Variants in COL8A1 observed in about 807,000 individuals in gnomAD.
COL8A1 encodes collagen alpha-1(VIII) chain.
In COL8A1, 21 loss-of-function variants were observed where a neutral mutation model predicts 42.7. The observed-to-expected ratio is 0.49, with a 90% CI of 0.35 to 0.71. The LOEUF is 0.71. COL8A1 is among the 30% of genes least tolerant of loss of function. COL8A1 has a pLI of 0.01. For synonymous variants in COL8A1, 367 were observed against 369.1 expected (o/e 0.99, Z 0.06); for missense variants, 788 against 962.4 (o/e 0.82, Z 2.40).
At chr3:99,659,679 T>C (rs931507390) in intron 1 of COL8A1, among the ~76,000 whole-genome samples, 1 of 152,224 alleles carries the variant, frequency 6.6e-6, no homozygotes, top group African/African-American at 2.4e-5. Flanking sequence ...GATCTTGTGT[T>C]CCAAGCAGTC....
intron 1 of COL8A1, among the ~76,000 whole-genome samples, chr3:99,669,115 TA>T (rs1192126850): frequency 2.5e-5 from 3 of 121,886 alleles, no homozygotes; most frequent in Admixed American, 1.8e-4. Flanking sequence ...GACCTTGTCT[TA>T]AAAAAATTAT....
At position 99,794,494 on chromosome 3, in the gene COL8A1, C is replaced by A. The variant is rs1942064238; in HGVS notation, c.593C>A (p.Pro198His). ...GPMGIPGPQGPPGPHGLPGIG... is the reference protein window; with the variant it reads ...GPMGIPGPQGHPGPHGLPGIG... ...ATGGGGATCCCAGGACCACAAGGAC[C>A]TCCAGGGCCTCATGGACTTCCTGGC... The change falls in exon 4 of 4, where the codon CCT becomes CAT. Residue 198 changes from proline to histidine, a missense_variant. This residue lies in a region of COL8A1 where 421 missense variants were observed against 553.1 expected (regional missense o/e 0.76). Coordinates refer to ENST00000652472, the MANE Select transcript of COL8A1 (RefSeq NM_020351.4). The surrounding 1 kb of genome is among the most constrained non-coding windows in gnomAD (Gnocchi z 4.3). The A allele has an allele frequency of 1.2e-6, 2 of 1,613,866 alleles. No individual in the cohort carries two copies. Among genetic ancestry groups the A allele is most frequent in the Non-Finnish European group, 8.5e-7 (1 of 1,179,960 alleles).
intron 1 of COL8A1, among the ~76,000 whole-genome samples, chr3:99,729,577 AT>A (rs1042253335): frequency 6.6e-5 from 10 of 152,058 alleles, no homozygotes; most frequent in African/African-American, 2.4e-4. Context: ...TCCTTAGGGA[AT>A]TTTTTCCTCT....
chr3:99,710,328 C>CA (rs1939799734), intron 1 of COL8A1, among the ~76,000 whole-genome samples: 1 of 152,062 alleles, frequency 6.6e-6, no homozygotes, highest in African/African-American at 2.4e-5. Flanking sequence ...TGTGACACAG[C>CA]AAAAATCACA....
At chr3:99,756,205 A>G (rs1363969863) in intron 2 of COL8A1, among the ~76,000 whole-genome samples, 2 of 151,864 alleles carry the variant, frequency 1.3e-5, no homozygotes, top group Non-Finnish European at 2.9e-5. Context: ...TTGGGGTAGA[A>G]TCATTTTCTG....
chr3:99,684,964 C>T (rs911925972), intron 1 of COL8A1, among the ~76,000 whole-genome samples: 1 of 152,132 alleles, frequency 6.6e-6, no homozygotes, highest in South Asian at 2.1e-4. Flanking sequence ...CCACTTCCTC[C>T]AGTGATACTT....
intron 1 of COL8A1, among the ~76,000 whole-genome samples, chr3:99,727,882 G>GA (rs1454416801): frequency 1.3e-5 from 2 of 151,676 alleles, no homozygotes; most frequent in Non-Finnish European, 2.9e-5. Context: ...CAGAACCAAA[G>GA]AAAAAAACCA....
intron 1 of COL8A1, among the ~76,000 whole-genome samples, chr3:99,695,666 A>C (rs1939345061): frequency 6.6e-6 from 1 of 151,094 alleles, no homozygotes; most frequent in Admixed American, 6.6e-5. Flanking sequence ...TCTTTCTATC[A>C]TAGCATTGCC....
intron 2 of COL8A1, among the ~76,000 whole-genome samples, chr3:99,769,208 G>A (rs1941529842): frequency 6.6e-6 from 1 of 152,214 alleles, no homozygotes; most frequent in Non-Finnish European, 1.5e-5. Flanking sequence ...TAAATAAGAT[G>A]ATGTATGTCT....
rs529043424 is a variant in COL8A1, at chr3:99,659,895, A to G, written c.-129+21231A>G. On this transcript the variant is annotated intron_variant, in intron 1 of 3. Transcript: ENST00000652472. ...CAGCGTACTGCACCTTAAATTCCCT[A>G]TGAACCAGAATATATGTGATGTGGG... is the stretch of plus-strand genomic sequence containing the variant. Among the ~76,000 whole-genome samples, 466 of 152,314 alleles carry G rather than the reference A, an allele frequency of 3.1e-3. 5 individuals are homozygous for G. Among genetic ancestry groups the G allele is most frequent in the Middle Eastern group, 6.8e-3 (2 of 294 alleles).
Position 99,794,642 on chromosome 3 carries a change from G to A in COL8A1, c.741G>A (p.Met247Ile), listed in dbSNP as rs1942067052. ...RGPKGDKGFG[M>I]PGAPGVKGPP... Reference sequence around the variant, plus strand: ...CTAAAGGAGACAAGGGCTTCGGGATGCCAGGTGCGCCAGGTGTAAAGGGGC... The same window carrying A: ...CTAAAGGAGACAAGGGCTTCGGGATACCAGGTGCGCCAGGTGTAAAGGGGC... Residue 247 changes from methionine to isoleucine, a missense_variant, in exon 4 of 4, where the codon ATG becomes ATA. This residue lies in a region of COL8A1 where 421 missense variants were observed against 553.1 expected (regional missense o/e 0.76). Transcript: ENST00000652472. This position sits in a 1 kb window ranked among gnomAD's most constrained non-coding sequence, Gnocchi z 4.3. The A allele has an allele frequency of 6.2e-7, 1 of 1,613,542 alleles. No individual in the cohort carries two copies. The highest frequency in any genetic ancestry group is 8.5e-7 in the Non-Finnish European group (1 of 1,179,844).
intron 1 of COL8A1, among the ~76,000 whole-genome samples, chr3:99,670,835 C>T (rs1239956623): frequency 6.6e-6 from 1 of 151,714 alleles, no homozygotes; most frequent in Non-Finnish European, 1.5e-5. Flanking sequence ...TTTTAGAGTC[C>T]ACATATATAT....
chr3:99,776,053 C>G (rs1941686837), intron 2 of COL8A1, among the ~76,000 whole-genome samples: 1 of 152,206 alleles, frequency 6.6e-6, no homozygotes, highest in Non-Finnish European at 1.5e-5. Context: ...TGCCACCCTA[C>G]TTATATCACA....
intron 1 of COL8A1, among the ~76,000 whole-genome samples, chr3:99,695,349 TA>T (rs1939336916): frequency 6.6e-6 from 1 of 152,188 alleles, no homozygotes; most frequent in South Asian, 2.1e-4. Flanking sequence ...TTAAACAATT[TA>T]AAAGCCATTT....
rs145535583 is a variant in COL8A1 at position 99,795,692 on chromosome 3, C to T, written c.1791C>T (p.Pro597=). ...GGCTGGGAATTGATGGCGTGAAACC[C>T]CCCCATGCCTACGGGGCTAAGAAAG... The part of the protein sequence containing the change: ...DMGLGIDGVK[P]PHAYGAKKGK... Residue 597 remains proline (P), a synonymous_variant, in exon 4 of 4, where the codon CCC becomes CCT. Coordinates refer to ENST00000652472, the MANE Select transcript of COL8A1 (RefSeq NM_020351.4). 3,357 of 1,614,126 alleles carry T rather than the reference C, an allele frequency of 2.1e-3. 14 individuals are homozygous for T. The highest frequency in any genetic ancestry group is 2.3e-3 in the Non-Finnish European group (2,670 of 1,180,012).
At chr3:99,775,060 C>G (rs750732429) in intron 2 of COL8A1, among the ~76,000 whole-genome samples, 6 of 152,170 alleles carry the variant, frequency 3.9e-5, no homozygotes, top group Non-Finnish European at 7.3e-5. Context: ...TCATACACAA[C>G]GATCCAGCAG....
At chr3:99,676,915 G>A (rs1938714205) in intron 1 of COL8A1, among the ~76,000 whole-genome samples, 1 of 151,820 alleles carries the variant, frequency 6.6e-6, no homozygotes, top group Admixed American at 6.6e-5. Flanking sequence ...ATTTACAGTA[G>A]CAATTAAAAC....
chr3:99,638,835 A>G (rs905728372), intron 1 of COL8A1, among the ~76,000 whole-genome samples, 171 bp downstream of exon 1: 2 of 152,218 alleles, frequency 1.3e-5, no homozygotes, highest in African/African-American at 4.8e-5. Flanking sequence ...TTTGAATGGT[A>G]AAATAAAAGC....
chr3:99,665,507 T>G (rs1355405241), intron 1 of COL8A1, among the ~76,000 whole-genome samples: 1 of 152,168 alleles, frequency 6.6e-6, no homozygotes, highest in African/African-American at 2.4e-5. Context: ...TGTTTTCAAC[T>G]GGGACCACAC....
Sources: gnomAD v4.1 joint callset for allele counts (sites outside exome capture counted in the v4.1 genomes callset) on GRCh38, gnomAD v4.1.1 for gene constraint, gnomAD v4.1.1 regional missense constraint, Gnocchi (gnomAD v3.1) non-coding constraint, MANE v1.5 for transcripts, NCBI Gene and HGNC (gene_info 2026-07-23, HGNC 2026-07-21) for gene names.